The following NCAPG2 variants were observed in gnomAD, a reference collection of about 807,000 sequenced individuals.
The protein encoded by NCAPG2 is condensin-2 complex subunit G2.
NCAPG2 carries 53 observed loss-of-function variants against 141.1 expected under a neutral mutation model. The ratio of observed to expected loss-of-function variants is 0.38; its 90% CI spans 0.30 to 0.47. The LOEUF is 0.47. Ranked by LOEUF, NCAPG2 falls within the 20% of genes least tolerant of loss-of-function variation. The pLI, the probability that NCAPG2 is intolerant of heterozygous loss-of-function variation, is 0.99. For synonymous variants in NCAPG2, 499 were observed against 490.7 expected (o/e 1.02, Z -0.22); for missense variants, 1,087 against 1,389.0 (o/e 0.78, Z 3.46).
At chr7:158,681,805 A>G (rs1401285087) in intron 9 of NCAPG2, among the ~76,000 whole-genome samples, 1 of 152,180 alleles carries the variant, frequency 6.6e-6, no homozygotes, top group Non-Finnish European at 1.5e-5. Context: ...AGTGGCTTTC[A>G]GTATATTTAG....
chr7:158,667,739 G>T (rs75009297), intron 13 of NCAPG2, among the ~76,000 whole-genome samples: 6 of 64,898 alleles, frequency 9.2e-5, no homozygotes, highest in African/African-American at 2.8e-4. Flanking sequence ...CTACCCTGTG[G>T]CCCTCCGCCC....
chr7:158,677,533 A>G (rs888329710), intron 11 of NCAPG2, among the ~76,000 whole-genome samples: 1 of 50,572 alleles, frequency 2.0e-5, no homozygotes, highest in Non-Finnish European at 4.6e-5. Context: ...AGCAAAAAAA[A>G]AAAAAAAAAA....
intron 8 of NCAPG2, among the ~76,000 whole-genome samples, chr7:158,684,103 A>C (rs1834611752): frequency 6.6e-6 from 1 of 152,228 alleles, no homozygotes; most frequent in South Asian, 2.1e-4. Flanking sequence ...CAGATGCTCA[A>C]GTTCCTCTTC....
rs1034128473 is a variant in NCAPG2, at chr7:158,664,539, C to T, written c.1691G>A (p.Cys564Tyr). ...FYQYAHEHTA[C>Y]TNIAKLIHVI... ...ACAGCACTCCCTACCTATGTTGGTG[C>T]AGGCGGTGTGTTCGTGGGCGTACTG... The change falls in exon 14 of 28, where the codon TGC becomes TAC. Residue 564 changes from cysteine (C) to tyrosine (Y), a missense_variant. Transcript: ENST00000356309. 5 of 1,613,914 alleles carry T rather than the reference C, an allele frequency of 3.1e-6. No individual in the cohort carries two copies. The Admixed American group carries it at 6.7e-5, about 22-fold the overall frequency.
At chr7:158,662,486 C>T (rs1284114777) in intron 15 of NCAPG2, 119 bp from the exon 16 acceptor site, 11 of 835,860 alleles carry the variant, frequency 1.3e-5, no homozygotes, top group East Asian at 3.0e-5. Context: ...CTTACTTTCA[C>T]GTCTTCTACT....
intron 11 of NCAPG2, among the ~76,000 whole-genome samples, chr7:158,678,546 C>T (rs903907794): frequency 6.6e-6 from 1 of 151,868 alleles, no homozygotes; most frequent in African/African-American, 2.4e-5. Context: ...GCTCTATCGC[C>T]CAGGCTGGAG....
At chr7:158,678,732 T>TAA (rs34490108) in intron 11 of NCAPG2, among the ~76,000 whole-genome samples, 33 of 145,752 alleles carry the variant, frequency 2.3e-4, no homozygotes, top group African/African-American at 8.0e-4. Flanking sequence ...AAGGAATCTT[T>TAA]AAAAAAAAAA....
At chr7:158,676,558 A>T (rs534006785) in intron 11 of NCAPG2, among the ~76,000 whole-genome samples, 22 of 152,190 alleles carry the variant, frequency 1.4e-4, no homozygotes, top group Non-Finnish European at 2.5e-4. Flanking sequence ...ATTATCTTTT[A>T]TCAATACCTT....
chr7:158,699,368 A>G (rs1046049129), intron 2 of NCAPG2, among the ~76,000 whole-genome samples: 4 of 152,228 alleles, frequency 2.6e-5, no homozygotes, highest in Non-Finnish European at 1.5e-5. Flanking sequence ...TTGTTCCAAC[A>G]TTGTCAATAC....
At chr7:158,663,677 G>T (rs551755983) in intron 15 of NCAPG2, among the ~76,000 whole-genome samples, 1 of 152,176 alleles carries the variant, frequency 6.6e-6, no homozygotes, top group Non-Finnish European at 1.5e-5. Flanking sequence ...TAATGTAGTG[G>T]GCATTGCAAA....
chr7:158,653,470 A>G (rs1203423755), intron 22 of NCAPG2, among the ~76,000 whole-genome samples: 1 of 152,124 alleles, frequency 6.6e-6, no homozygotes, highest in African/African-American at 2.4e-5. Context: ...TAGATCTGTT[A>G]AACAAATGAT....
Position 158,637,114 on chromosome 7 carries a change from A to AT in NCAPG2, c.3381-5398dup, listed in dbSNP as rs1428021333. On this transcript the variant is annotated intron_variant, in intron 27 of 27. Transcript: ENST00000356309. The stretch of plus-strand genomic sequence containing the variant: ...AGGCGCCCGCCACCATGCCCGGCTA[A>AT]TTTTTTATATTTTTAGTAGAGACGG... Among the ~76,000 whole-genome samples the AT allele has an allele frequency of 1.7e-4, 26 of 151,974 alleles. No homozygotes were observed. In the East Asian group the frequency reaches 4.5e-3, roughly 26 times the overall value.
intron 12 of NCAPG2, 74 bp from the exon 13 acceptor site, chr7:158,671,740 T>C: frequency 2.7e-6 from 4 of 1,505,680 alleles, no homozygotes; most frequent in Non-Finnish European, 3.6e-6. Context: ...AAAACTTCAT[T>C]AAAGAAAACA....
intron 27 of NCAPG2, chr7:158,640,801 A>T (rs1830588984): frequency 6.6e-6 from 1 of 152,200 alleles, no homozygotes; most frequent in Non-Finnish European, 1.5e-5. Context: ...AAGTGAAGGT[A>T]AATAAAAACT....
At chr7:158,664,809 C>A in intron 13 of NCAPG2, 59 bp from the exon 14 acceptor site, 5 of 1,436,796 alleles carry the variant, frequency 3.5e-6, no homozygotes, top group Non-Finnish European at 3.8e-6. Context: ...ACCCTGGAAA[C>A]AGCTTAAGAA....
chr7:158,668,212 CCCCCTTACCCACTACT>C (rs1563542496), intron 13 of NCAPG2: 24 of 416,162 alleles, frequency 5.8e-5, no homozygotes, highest in African/African-American at 4.0e-4. Flanking sequence ...TCCCTCCGCC[CCCCCTTACCCACTACT>C]GGGTCCCTCT....
At chr7:158,697,174 G>C (rs543127781) in intron 2 of NCAPG2, among the ~76,000 whole-genome samples, 2 of 152,374 alleles carry the variant, frequency 1.3e-5, no homozygotes, top group East Asian at 1.9e-4. Flanking sequence ...CTGCATGTCT[G>C]TTATTGCCCC....
chr7:158,656,020 C>T (rs1044362322), intron 19 of NCAPG2, among the ~76,000 whole-genome samples: 2 of 152,178 alleles, frequency 1.3e-5, no homozygotes, highest in South Asian at 2.1e-4. Flanking sequence ...TGAGTCCTAG[C>T]GCCCTAGCAG....
intron 23 of NCAPG2, 23 bp downstream of exon 23, chr7:158,652,270 C>T: frequency 6.2e-7 from 1 of 1,605,526 alleles, no homozygotes; most frequent in Non-Finnish European, 8.5e-7. Context: ...CTAGCGAACC[C>T]CGTCCTGGGG....
Sources: gnomAD v4.1 joint callset for allele counts (sites outside exome capture counted in the v4.1 genomes callset) on GRCh38, gnomAD v4.1.1 for gene constraint, MANE v1.5 for transcripts, NCBI Gene and HGNC (gene_info 2026-07-23, HGNC 2026-07-21) for gene names.